Variants in NR2F1-AS1 observed in about 807,000 individuals in gnomAD.
NR2F1-AS1 encodes NR2F1 antisense RNA 1.
intron 4 of NR2F1-AS1, among the ~76,000 whole-genome samples, chr5:93,483,628 A>G (rs1011787363): frequency 2.0e-5 from 3 of 152,208 alleles, no homozygotes; most frequent in African/African-American, 7.2e-5. Context: ...TAGACTTCAG[A>G]AGGAGGGTAA....
chr5:93,468,016 G>A (rs1339056874), intron 4 of NR2F1-AS1, among the ~76,000 whole-genome samples: 1 of 152,140 alleles, frequency 6.6e-6, no homozygotes, highest in African/African-American at 2.4e-5. Flanking sequence ...AGTATTCCAT[G>A]GTGTATATGT....
intron 4 of NR2F1-AS1, among the ~76,000 whole-genome samples, chr5:93,518,426 A>G (rs555856583): frequency 6.6e-6 from 1 of 152,168 alleles, no homozygotes; most frequent in South Asian, 2.1e-4. Context: ...CACAATGATG[A>G]TTTCACTCAA....
intron 4 of NR2F1-AS1, among the ~76,000 whole-genome samples, chr5:93,487,524 T>C (rs927759940): frequency 1.3e-5 from 2 of 152,078 alleles, no homozygotes; most frequent in Non-Finnish European, 2.9e-5. Flanking sequence ...TACCTAGGAA[T>C]ACAACTGACA....
intron 4 of NR2F1-AS1, among the ~76,000 whole-genome samples, chr5:93,438,033 A>G (rs1210313545): frequency 6.6e-6 from 1 of 152,194 alleles, no homozygotes; most frequent in Non-Finnish European, 1.5e-5. Flanking sequence ...CCTGACCAGC[A>G]TAACAAAGAT....
rs569995049 is a variant in NR2F1-AS1, at chr5:93,557,552, C to T, written n.414-2557G>A. Among the ~76,000 whole-genome samples, 3 of 152,030 alleles carry T rather than the reference C, an allele frequency of 2.0e-5. No individual in the cohort carries two copies. In the South Asian group the frequency reaches 6.3e-4, roughly 32 times the overall value. On this transcript the variant is annotated intron_variant and non_coding_transcript_variant, in intron 2 of 5. Transcript: ENST00000660523. ...TTATGTCTAAAAAACTATGTACACACCTTAATTTTAAAATACTTTATTGCT... is the reference window on the plus strand; with the variant it reads ...TTATGTCTAAAAAACTATGTACACATCTTAATTTTAAAATACTTTATTGCT...
intron 4 of NR2F1-AS1, among the ~76,000 whole-genome samples, chr5:93,474,859 T>C (rs927775963): frequency 6.6e-6 from 1 of 152,168 alleles, no homozygotes; most frequent in Non-Finnish European, 1.5e-5. Flanking sequence ...GTGCGGTGGC[T>C]CACGCCTGTA....
At chr5:93,490,609 AGTGGTGGTG>A (rs977486796) in intron 4 of NR2F1-AS1, among the ~76,000 whole-genome samples, 7 of 104,576 alleles carry the variant, frequency 6.7e-5, no homozygotes, top group Non-Finnish European at 1.2e-4. Context: ...TGGCGGTGGC[AGTGGTGGTG>A]GTGGTGGTGG....
At chr5:93,431,291 G>A (rs1054159120) in intron 4 of NR2F1-AS1, among the ~76,000 whole-genome samples, 6 of 151,622 alleles carry the variant, frequency 4.0e-5, no homozygotes, top group African/African-American at 1.5e-4. Context: ...AGATGATGGT[G>A]GGGGGGAGAT....
chr5:93,465,285 C>T (rs1750203048), intron 4 of NR2F1-AS1, among the ~76,000 whole-genome samples: 1 of 152,190 alleles, frequency 6.6e-6, no homozygotes, highest in African/African-American at 2.4e-5. Context: ...AGACACTTCT[C>T]AAAAGAAGAC....
At chr5:93,561,592 G>A (rs1019159033) in intron 2 of NR2F1-AS1, among the ~76,000 whole-genome samples, 2 of 151,708 alleles carry the variant, frequency 1.3e-5, no homozygotes, top group Non-Finnish European at 2.9e-5. Context: ...AGGCAACAAA[G>A]TGAGACCCCG....
chr5:93,419,918 C>T (rs922252506), intron 4 of NR2F1-AS1, among the ~76,000 whole-genome samples: 5 of 152,084 alleles, frequency 3.3e-5, no homozygotes, highest in Non-Finnish European at 5.9e-5. Context: ...ATCTTGGGGC[C>T]GGGCATGGTG....
intron 4 of NR2F1-AS1, among the ~76,000 whole-genome samples, chr5:93,453,224 T>C (rs933907785): frequency 2.6e-5 from 4 of 151,920 alleles, no homozygotes; most frequent in African/African-American, 9.7e-5. Flanking sequence ...GAATACAAGA[T>C]CAGTGAACTT....
intron 4 of NR2F1-AS1, among the ~76,000 whole-genome samples, chr5:93,524,127 G>C (rs1751562337): frequency 6.6e-6 from 1 of 151,958 alleles, no homozygotes; most frequent in African/African-American, 2.4e-5. Context: ...AAGACGAATT[G>C]CTAACTAGAA....
intron 4 of NR2F1-AS1, among the ~76,000 whole-genome samples, chr5:93,487,695 T>C (rs1384664952): frequency 1.3e-5 from 2 of 152,180 alleles, no homozygotes; most frequent in East Asian, 3.9e-4. Flanking sequence ...TTCAATGCTA[T>C]CTCCATCAAG....
intron 4 of NR2F1-AS1, among the ~76,000 whole-genome samples, chr5:93,468,246 G>T (rs536929362): frequency 4.8e-4 from 73 of 152,264 alleles, no homozygotes; most frequent in African/African-American, 1.6e-3. Flanking sequence ...TTCCACAATG[G>T]TTGAACTAAT....
Position 93,579,907 on chromosome 5 carries a change from C to A in NR2F1-AS1, n.313+560G>T. 6.6e-6 allele frequency among the ~76,000 whole-genome samples: 1 copy of A among 152,236 alleles called. No individual in the cohort carries two copies. The highest frequency in any genetic ancestry group is 1.5e-5 in the Non-Finnish European group (1 of 68,044). On this transcript the variant is annotated intron_variant and non_coding_transcript_variant, in intron 1 of 5. Transcript: ENST00000660523. The surrounding 1 kb of genome is among the most constrained non-coding windows in gnomAD (Gnocchi z 5.1). ...CCTTTTAATCCGCTGACACTATCGCCCACATCAGACAGGCAGCCATCGATC... is the reference window on the plus strand; with the variant it reads ...CCTTTTAATCCGCTGACACTATCGCACACATCAGACAGGCAGCCATCGATC...
chr5:93,508,189 G>A (rs77707322), intron 4 of NR2F1-AS1, among the ~76,000 whole-genome samples: 2,396 of 152,178 alleles, frequency 0.016, 27 homozygotes, highest in Non-Finnish European at 0.025. Flanking sequence ...AAGGTGGAAC[G>A]ATTTATCCTA....
intron 4 of NR2F1-AS1, among the ~76,000 whole-genome samples, chr5:93,506,803 A>G (rs1751194959): frequency 6.6e-6 from 1 of 152,196 alleles, no homozygotes; most frequent in African/African-American, 2.4e-5. Context: ...TTGGGTGGGG[A>G]CACAGCCAAA....
intron 4 of NR2F1-AS1, among the ~76,000 whole-genome samples, chr5:93,480,620 G>T (rs1242827503): frequency 6.6e-6 from 1 of 152,052 alleles, no homozygotes; most frequent in African/African-American, 2.4e-5. Context: ...TGTATTTTGG[G>T]CATGTAATTT....
Sources: allele counts gnomAD v4.1 joint callset (sites outside exome capture counted in the v4.1 genomes callset), GRCh38; gene constraint gnomAD v4.1.1; non-coding constraint Gnocchi (gnomAD v3.1); transcripts MANE v1.5; gene names NCBI Gene and HGNC (gene_info 2026-07-23, HGNC 2026-07-21).